Variants in FEZ1 observed in about 807,000 individuals in gnomAD.
FEZ1 encodes fasciculation and elongation protein zeta-1.
FEZ1 carries 20 observed loss-of-function variants against 49.3 expected under a neutral mutation model. The observed-to-expected ratio is 0.41, with a 90% CI of 0.29 to 0.59. The LOEUF is 0.59. Ranked by LOEUF, FEZ1 falls within the 20% of genes least tolerant of loss-of-function variation. The probability of loss-of-function intolerance (pLI) is 0.36; values close to 1 mark genes in which losing one functional copy is unlikely to be tolerated. For synonymous variants in FEZ1, 170 were observed against 180.9 expected, an observed-to-expected ratio of 0.94 and a Z score of 0.48; for missense variants, 413 against 476.0, an observed-to-expected ratio of 0.87 and a Z score of 1.23.
chr11:125,487,470 G>T (rs948710985), intron 2 of FEZ1, among the ~76,000 whole-genome samples: 1 of 152,130 alleles, frequency 6.6e-6, no homozygotes, highest in African/African-American at 2.4e-5. Context: ...TTCATTGGCT[G>T]GTGCACTAGA....
At chr11:125,465,416 G>A (rs1393008522) in intron 3 of FEZ1, among the ~76,000 whole-genome samples, 3 of 152,246 alleles carry the variant, frequency 2.0e-5, no homozygotes, top group African/African-American at 7.2e-5. Context: ...GATCCTTCTT[G>A]CTGCTCAAAT....
chr11:125,488,914 C>T (rs1957354307), intron 2 of FEZ1: 1 of 985,388 alleles, frequency 1.0e-6, no homozygotes, highest in South Asian at 4.7e-5. Flanking sequence ...ACTCAAAGGC[C>T]ACATCACCTA....
chr11:125,451,252 C>T (rs1178154358), intron 8 of FEZ1, among the ~76,000 whole-genome samples: 1 of 152,120 alleles, frequency 6.6e-6, no homozygotes, highest in African/African-American at 2.4e-5. Flanking sequence ...AAGGAGTTTA[C>T]AATGAGTTAA....
intron 3 of FEZ1, among the ~76,000 whole-genome samples, chr11:125,480,709 T>C (rs1416806362): frequency 2.6e-5 from 4 of 152,208 alleles, no homozygotes; most frequent in African/African-American, 7.2e-5. Flanking sequence ...CAGGCCACTT[T>C]ATTTTTCATG....
At chr11:125,467,282 AAT>A (rs1399373685) in intron 3 of FEZ1, among the ~76,000 whole-genome samples, 7 of 152,066 alleles carry the variant, frequency 4.6e-5, no homozygotes, top group Admixed American at 4.6e-4. Context: ...GGCCTCAAGC[AAT>A]CCTCCCACCT....
At chr11:125,470,963 A>G (rs2135762922) in intron 3 of FEZ1, among the ~76,000 whole-genome samples, 1 of 152,316 alleles carries the variant, frequency 6.6e-6, no homozygotes, top group Non-Finnish European at 1.5e-5. Context: ...GATGGAAGGA[A>G]TAGACTTTAT....
chr11:125,452,537 C>T (rs1055045670), intron 7 of FEZ1, 128 bp from the exon 8 acceptor site: 3 of 631,138 alleles, frequency 4.8e-6, no homozygotes, highest in South Asian at 4.0e-5. Flanking sequence ...GTCACTGGTA[C>T]GTCACTGTTT....
chr11:125,488,579 C>T, intron 2 of FEZ1: 1 of 235,560 alleles, frequency 4.2e-6, no homozygotes, highest in Non-Finnish European at 6.9e-6. Context: ...ACTCAGGAGG[C>T]TGAGGCAGGA....
At position 125,495,465 on chromosome 11, in the gene FEZ1, C is replaced by T. The variant is rs1313503182; in HGVS notation, c.-46+656G>A. ...CCGACGGCAGCGCGCCCCGCCACCG[C>T]GCAGCCGCCCCGGTCCCTTCTCCCG... On this transcript the variant is annotated intron_variant, in intron 1 of 9. Coordinates refer to ENST00000278919, the MANE Select transcript of FEZ1 (RefSeq NM_005103.5). The surrounding 1 kb of genome is among the most constrained non-coding windows in gnomAD (Gnocchi z 4.2). 4 of 470,368 alleles carry T rather than the reference C, an allele frequency of 8.5e-6. No individual in the cohort carries two copies. Among genetic ancestry groups the T allele is most frequent in the Admixed American group, 7.1e-5 (3 of 42,520 alleles). The allele number at this position is 470,368 out of a possible 1,614,324, so 29.1% of individuals were successfully genotyped here.
At position 125,448,593 on chromosome 11, in the gene FEZ1, C is replaced by T. The variant is rs775145861; in HGVS notation, c.1097-26G>A. On this transcript the variant is annotated intron_variant, in intron 8 of 9. Transcript: ENST00000278919. ...CTAGGAAAGGAGACAGAGAGAGGAA[C>T]TAAGATACCATCTGGTCAGAGGTTC... The T allele has an allele frequency of 6.0e-6, 9 of 1,499,096 alleles. No homozygotes were observed. The Admixed American group carries it at 1.3e-4, about 22-fold the overall frequency. The allele number at this position is 1,499,096 out of a possible 1,614,324, so 92.9% of individuals were successfully genotyped here.
In FEZ1 at chr11:125,494,850, G is replaced by T. The variant is rs147885843; in HGVS notation, c.-46+1271C>A. On this transcript the variant is annotated intron_variant, in intron 1 of 9. Transcript: ENST00000278919. ...GAGCTGACCCGAGTGGAGCGGAGCGGTGGAGATTTCACCACGCTAACCCCG... is the reference window on the plus strand; with the variant it reads ...GAGCTGACCCGAGTGGAGCGGAGCGTTGGAGATTTCACCACGCTAACCCCG... Among the ~76,000 whole-genome samples, 225 of 152,228 alleles carry T rather than the reference G, an allele frequency of 1.5e-3. 1 individual carries two copies. In the East Asian group the frequency reaches 0.024, roughly 16 times the overall value.
intron 1 of FEZ1, among the ~76,000 whole-genome samples, chr11:125,494,855 G>T (rs1189794368): frequency 6.6e-6 from 1 of 152,092 alleles, no homozygotes; most frequent in African/African-American, 2.4e-5. Flanking sequence ...GAGCGGTGGA[G>T]ATTTCACCAC....
At chr11:125,493,236 A>G (rs982539119) in intron 1 of FEZ1, among the ~76,000 whole-genome samples, 10 of 151,532 alleles carry the variant, frequency 6.6e-5, no homozygotes, top group African/African-American at 2.4e-4. Context: ...TGGGAGGCTG[A>G]GGCAGGAGAA....
chr11:125,480,551 A>G (rs1223059730), intron 3 of FEZ1, among the ~76,000 whole-genome samples: 1 of 152,148 alleles, frequency 6.6e-6, no homozygotes, highest in Non-Finnish European at 1.5e-5. Context: ...TTTTTAAACC[A>G]TCATTATTTG....
chr11:125,462,259 G>T (rs1045647948), intron 4 of FEZ1, among the ~76,000 whole-genome samples: 2 of 152,186 alleles, frequency 1.3e-5, no homozygotes, highest in Non-Finnish European at 1.5e-5. Context: ...ATAAATATTT[G>T]TTGACTAAAA....
Position 125,460,571 on chromosome 11 carries a change from G to A in FEZ1, c.594C>T (p.Ser198=). The A allele has an allele frequency of 6.2e-7, 1 of 1,614,122 alleles. No individual in the cohort carries two copies. The highest frequency in any genetic ancestry group is 8.5e-7 in the Non-Finnish European group (1 of 1,179,992). Residue 198 remains serine, a synonymous_variant, in exon 5 of 10, where the codon TCC becomes TCT. Transcript: ENST00000278919. ...LEEEDGGETS[S]QADSVLLQEM... ...CCTGCAGGAGGACCGAGTCTGCCTG[G>A]GAGGAAGTTTCTCCTCCATCCTCTT...
chr11:125,460,200 G>C (rs1238705590), intron 5 of FEZ1: 4 of 263,106 alleles, frequency 1.5e-5, no homozygotes, highest in Non-Finnish European at 2.8e-5. Context: ...TTGATTTTAT[G>C]GTAGCATCAT....
chr11:125,446,106 A>T lies in FEZ1; in HGVS notation c.1168T>A (p.Cys390Ser), dbSNP rs1170389732. 6.2e-7 allele frequency: 1 copy of T among 1,614,068 alleles called. No homozygotes were observed. Among genetic ancestry groups the T allele is most frequent in the South Asian group, 1.1e-5 (1 of 91,086 alleles). ...TCCAAAGGGCAAGGTTAGGTAGGGC[A>T]GAGCACTGCAACGAGAAGAGAGGAG... ...LLTDYILKVL[C>S]PT Residue 390 changes from cysteine to serine, a missense_variant, in exon 10 of 10, where the codon TGC becomes AGC. Cys to Ser is a moderately radical substitution (Grantham distance 112, BLOSUM62 -1). Coordinates refer to ENST00000278919, the MANE Select transcript of FEZ1 (RefSeq NM_005103.5).
rs868028387 is a variant in FEZ1 at position 125,478,541 on chromosome 11, G to A, written c.411+2993C>T. On this transcript the variant is annotated intron_variant, in intron 3 of 9. Transcript: ENST00000278919. ...GCTGTGCACATTCAGCATGCCAAGC[G>A]CTTTTGGTCGTATGTTTTACAGAAG... Among the ~76,000 whole-genome samples, 14 of 152,192 alleles carry A rather than the reference G, an allele frequency of 9.2e-5. No homozygotes were observed. The South Asian group carries it at 1.0e-3, about 11-fold the overall frequency.
Sources: gnomAD v4.1 joint callset for allele counts (sites outside exome capture counted in the v4.1 genomes callset) on GRCh38, gnomAD v4.1.1 for gene constraint, Gnocchi (gnomAD v3.1) non-coding constraint, MANE v1.5 for transcripts, NCBI Gene and HGNC (gene_info 2026-07-23, HGNC 2026-07-21) for gene names.